TTLL8: variants seen among roughly 807,000 people sequenced by gnomAD.
TTLL8 encodes protein monoglycylase TTLL8.
Under a neutral mutation model 77.8 loss-of-function variants are expected in TTLL8, and 65 were observed. That is an observed-to-expected ratio of 0.84 (90% confidence interval 0.68 to 1.03). The LOEUF is 1.03. Among genes scored for constraint, TTLL8 ranks in the 50% least tolerant of loss-of-function variants. TTLL8 has a pLI of 0.00. For synonymous variants in TTLL8, 402 were observed against 422.8 expected (o/e 0.95, Z 0.60); for missense variants, 910 against 1,004.5 (o/e 0.91, Z 1.27).
rs1357307078 is a variant in TTLL8 at position 50,045,247 on chromosome 22, C to T, written c.643+8G>A. ...GGCCTGGCACTGCCCTGCCCCGGCC[C>T]AGCGCACCTTGCCTGCTGCTCAGGT... On this transcript the variant is annotated splice_region_variant and intron_variant, in intron 6 of 13. Transcript: ENST00000266182. 1.5e-6 allele frequency: 2 copies of T among 1,351,756 alleles called. No individual in the cohort carries two copies. Among genetic ancestry groups the T allele is most frequent in the African/African-American group, 1.5e-5 (1 of 67,772 alleles). 83.7% of individuals were successfully genotyped at this position (1,351,756 alleles called of 1,614,324 possible). A position where few individuals can be genotyped will look rare whatever the true frequency, so the allele number is the denominator to read the frequency against.
chr22:50,044,096 G>A lies in TTLL8; in HGVS notation c.643+1159C>T, dbSNP rs1400398365. ...TCCCAGCACTGTGGGAGGCCGAGGT[G>A]GGCGGATCACCTGAAGTCAGGAGTT... On this transcript the variant is annotated intron_variant, in intron 6 of 13. Coordinates refer to ENST00000266182, the Ensembl canonical transcript of TTLL8. This position sits in a 1 kb window ranked among gnomAD's most constrained non-coding sequence, Gnocchi z 4.2. Among the ~76,000 whole-genome samples, 1 of 152,178 alleles carries A rather than the reference G, an allele frequency of 6.6e-6. No homozygotes were observed.
chr22:50,042,938 C>T lies in TTLL8; in HGVS notation c.644-1131G>A, dbSNP rs553470363. ...TGGAAGACAGTCTGGCAGTTTCTTA[C>T]AAAATGAAACATACTCTTGCCATAC... On this transcript the variant is annotated intron_variant, in intron 6 of 13. Coordinates refer to ENST00000266182, the Ensembl canonical transcript of TTLL8. Among the ~76,000 whole-genome samples the T allele has an allele frequency of 4.3e-4, 66 of 152,284 alleles. 1 individual carries two copies. The highest frequency in any genetic ancestry group is 1.6e-3 in the African/African-American group (65 of 41,558).
At chr22:50,019,727 C>A (rs1475725631) in intron 12 of TTLL8, among the ~76,000 whole-genome samples, 1 of 152,278 alleles carries the variant, frequency 6.6e-6, no homozygotes, top group East Asian at 1.9e-4. Context: ...TGCCGAGGAG[C>A]CCTTCTCGGA....
rs984763039 is a variant in TTLL8, at chr22:50,032,171, G to A, written c.1284-62C>T. 1.8e-5 allele frequency: 23 copies of A among 1,295,200 alleles called. No homozygotes were observed. In the East Asian group the frequency reaches 4.2e-4, roughly 24 times the overall value. 80.2% of individuals were successfully genotyped at this position (1,295,200 alleles called of 1,614,324 possible). ...TTGGCCCAGGAGGGCACCCAAGGCC[G>A]GTCCTCCCAGCCGTGCTGAGCCCAC... is the stretch of plus-strand genomic sequence containing the variant. On this transcript the variant is annotated intron_variant, in intron 10 of 13. Coordinates refer to ENST00000266182, the Ensembl canonical transcript of TTLL8.
At position 50,042,607 on chromosome 22, in the gene TTLL8, T is replaced by G. The variant is rs554723568; in HGVS notation, c.644-800A>C. On this transcript the variant is annotated intron_variant, in intron 6 of 13. Coordinates refer to ENST00000266182, the Ensembl canonical transcript of TTLL8. ...GACTAGCAATTCTGTATCTACAAGT[T>G]TTTTCTATAAAATACCCTCAGAAAT... Among the ~76,000 whole-genome samples, 15 of 152,284 alleles carry G rather than the reference T, an allele frequency of 9.9e-5. No individual in the cohort carries two copies. In the East Asian group the frequency reaches 2.9e-3, roughly 29 times the overall value.
intron 10 of TTLL8, among the ~76,000 whole-genome samples, chr22:50,032,788 C>T (rs1196682244): frequency 6.6e-6 from 1 of 152,194 alleles, no homozygotes; most frequent in Non-Finnish European, 1.5e-5. Flanking sequence ...CCCTCCTGCC[C>T]ACGCGGGGAC....
chr22:50,051,404 G>C (rs1475343932), intron 1 of TTLL8, among the ~76,000 whole-genome samples: 1 of 152,236 alleles, frequency 6.6e-6, no homozygotes, highest in Non-Finnish European at 1.5e-5. Context: ...CCGTGGTGCA[G>C]ATACACCACA....
At chr22:50,050,895 T>C (rs969772226) in intron 1 of TTLL8, among the ~76,000 whole-genome samples, 8 of 152,204 alleles carry the variant, frequency 5.3e-5, no homozygotes, top group African/African-American at 1.9e-4. Flanking sequence ...AGAATTTCCT[T>C]TTCTGGGAGC....
At chr22:50,047,169 T>G in exon 4 of TTLL8, 2 of 1,367,410 alleles carry the variant, frequency 1.5e-6, no homozygotes, top group Non-Finnish European at 9.8e-7. Flanking sequence ...CCGGCTCACC[T>G]TGGTGGTGAA....
At chr22:50,035,507 G>A (rs2061330002) in intron 8 of TTLL8, among the ~76,000 whole-genome samples, 1 of 152,192 alleles carries the variant, frequency 6.6e-6, no homozygotes, top group African/African-American at 2.4e-5. Context: ...GGCGACCTCA[G>A]GCAGTGGCAC....
exon 12 of TTLL8, chr22:50,030,892 C>G: frequency 7.6e-7 from 1 of 1,323,460 alleles, no homozygotes; most frequent in South Asian, 1.2e-5. Flanking sequence ...ACGCAGAGGT[C>G]GGACCCGCTG....
intron 4 of TTLL8, among the ~76,000 whole-genome samples, chr22:50,046,727 G>A (rs2061414368): frequency 6.6e-6 from 1 of 152,236 alleles, no homozygotes; most frequent in Admixed American, 6.5e-5. Flanking sequence ...CCCACACCCT[G>A]CGTCCTGGGC....
intron 8 of TTLL8, among the ~76,000 whole-genome samples, chr22:50,037,447 T>C (rs1043884545): frequency 1.3e-5 from 2 of 152,230 alleles, no homozygotes; most frequent in East Asian, 1.9e-4. Flanking sequence ...CCTCATGATC[T>C]GCCCGCCTCG....
At chr22:50,058,292 G>T (rs1223783184), upstream of TTLL8, among the ~76,000 whole-genome samples, 1 of 147,700 alleles carries the variant, frequency 6.8e-6, no homozygotes, top group Non-Finnish European at 1.5e-5. This position sits in a 1 kb window ranked among gnomAD's most constrained non-coding sequence, Gnocchi z 4.2. Flanking sequence ...GTGCAGCGGC[G>T]GCGGCCCCGG....
chr22:50,056,903 A>C, upstream of TTLL8: 4 of 1,289,726 alleles, frequency 3.1e-6, no homozygotes, highest in Non-Finnish European at 4.0e-6. This position sits in a 1 kb window ranked among gnomAD's most constrained non-coding sequence, Gnocchi z 4.1. Flanking sequence ...CTGAAGAAGA[A>C]GCCAACGATA....
In TTLL8 at chr22:50,041,787, T is replaced by C. The variant is rs572603231; in HGVS notation, c.664A>G (p.Lys222Glu). The change falls in exon 7 of 14, where the codon AAG (lysine) becomes GAG (glutamate). Residue 222 changes from lysine (K) to glutamate (E), a missense_variant. By Grantham distance (56) the Lys-to-Glu change is moderately conservative. Coordinates refer to ENST00000266182, the Ensembl canonical transcript of TTLL8. The surrounding 1 kb of genome is among the most constrained non-coding windows in gnomAD (Gnocchi z 4.3). ...AGCTGCCCCGGGAGGCCCCTGAGCT[T>C]TGCCTCAGCATTTTCAGCATCTGAA... The C allele has an allele frequency of 7.3e-7, 1 of 1,362,922 alleles. No individual in the cohort carries two copies. The highest frequency in any genetic ancestry group is 4.6e-5 in the East Asian group (1 of 21,900). The allele number at this position is 1,362,922 out of a possible 1,614,324, so 84.4% of individuals were successfully genotyped here.
At chr22:50,031,235 A>G (rs1474065298) in intron 11 of TTLL8, among the ~76,000 whole-genome samples, 2 of 152,180 alleles carry the variant, frequency 1.3e-5, no homozygotes, top group Admixed American at 6.5e-5. Context: ...ACGCTTCCCA[A>G]TGACTCCAGC....
intron 1 of TTLL8, among the ~76,000 whole-genome samples, chr22:50,053,494 G>A (rs2061455127): frequency 6.6e-6 from 1 of 152,204 alleles, no homozygotes; most frequent in African/African-American, 2.4e-5. Context: ...CTTGTGAAAT[G>A]CAGCTAATGC....
chr22:50,040,072 C>G (rs1370661848), intron 8 of TTLL8, among the ~76,000 whole-genome samples: 1 of 135,962 alleles, frequency 7.4e-6, no homozygotes, highest in Non-Finnish European at 1.5e-5. Flanking sequence ...AGCTCACGGA[C>G]CTCACATGTG....
Sources: gnomAD v4.1 joint callset for allele counts (sites outside exome capture counted in the v4.1 genomes callset) on GRCh38, gnomAD v4.1.1 for gene constraint, Gnocchi (gnomAD v3.1) non-coding constraint, MANE v1.5 for transcripts, NCBI Gene and HGNC (gene_info 2026-07-23, HGNC 2026-07-21) for gene names.